Variants in LRCH3 observed in about 807,000 individuals in gnomAD.
LRCH3 encodes DISP complex protein LRCH3.
A neutral mutation model predicts 104.5 loss-of-function variants in LRCH3; 68 were observed. The ratio of observed to expected loss-of-function variants is 0.65; its 90% CI spans 0.54 to 0.80. The LOEUF (loss-of-function observed/expected upper bound fraction) is 0.80. LRCH3 is among the 30% of genes least tolerant of loss of function. The pLI is 0.00. For synonymous variants in LRCH3, 344 were observed against 361.3 expected (o/e 0.95, Z 0.54); for missense variants, 951 against 953.9 (o/e 1.00, Z 0.04).
chr3:197,810,583 C>G lies in LRCH3; in HGVS notation c.263-4325C>G, dbSNP rs1733011803. On this transcript the variant is annotated intron_variant, in intron 1 of 20. Coordinates refer to ENST00000425562, the MANE Select transcript of LRCH3 (RefSeq NM_001365715.1). The surrounding 1 kb of genome is among the most constrained non-coding windows in gnomAD (Gnocchi z 4.0). ...TAGCCATCTTCTCTCAACCTTTTAT[C>G]TGTTTTATGTATATTATCTCGGGTT... Among the ~76,000 whole-genome samples the G allele has an allele frequency of 6.6e-6, 1 of 152,092 alleles. No homozygotes were observed. Among genetic ancestry groups the G allele is most frequent in the Non-Finnish European group, 1.5e-5 (1 of 68,004 alleles).
In LRCH3 at chr3:197,880,412, A is replaced by AT. The variant is rs1250629818; in HGVS notation, c.2209-3128dup. 6 of 924,836 alleles carry AT rather than the reference A, an allele frequency of 6.5e-6. No individual in the cohort carries two copies. The Admixed American group carries it at 8.3e-5, about 13-fold the overall frequency. The allele number at this position is 924,836 out of a possible 1,614,324, so 57.3% of individuals were successfully genotyped here. On this transcript the variant is annotated intron_variant, in intron 20 of 20. Transcript: ENST00000425562. The stretch of plus-strand genomic sequence containing the variant: ...AATGTTACAGGATGTGTATATGTGA[A>AT]TATGACTGAGATGATCATATGAATT...
chr3:197,873,084 G>A (rs991851261), intron 19 of LRCH3, among the ~76,000 whole-genome samples: 2 of 152,258 alleles, frequency 1.3e-5, no homozygotes, highest in Middle Eastern at 3.4e-3. Flanking sequence ...TGCTGGTCAG[G>A]TCTGGGCATC....
chr3:197,825,338 G>A (rs1382844802), intron 4 of LRCH3, among the ~76,000 whole-genome samples: 3 of 138,178 alleles, frequency 2.2e-5, no homozygotes, highest in East Asian at 4.2e-4. Context: ...CATATCTTCC[G>A]TTTTGGGAAA....
At chr3:197,880,025 A>C (rs546784599) in intron 20 of LRCH3, among the ~76,000 whole-genome samples, 2 of 149,642 alleles carry the variant, frequency 1.3e-5, no homozygotes, top group South Asian at 2.1e-4. Context: ...GGCTCACTGC[A>C]AGCTCCGCCT....
intron 10 of LRCH3, among the ~76,000 whole-genome samples, chr3:197,845,014 G>C (rs899612454): frequency 1.3e-5 from 2 of 152,160 alleles, no homozygotes; most frequent in Non-Finnish European, 2.9e-5. Context: ...GTGAAAGAAA[G>C]TTTTAGTGAA....
chr3:197,830,856 G>A lies in LRCH3; in HGVS notation c.974G>A (p.Gly325Glu), dbSNP rs1735835635. 5 of 1,612,868 alleles carry A rather than the reference G, an allele frequency of 3.1e-6. No homozygotes were observed. The highest frequency in any genetic ancestry group is 4.2e-6 in the Non-Finnish European group (5 of 1,178,930). Residue 325 changes from glycine to glutamate, a missense_variant, in exon 7 of 21, where the codon GGG becomes GAG. By Grantham distance (98) the Gly-to-Glu change is moderately conservative (BLOSUM62 -2). Transcript: ENST00000425562. ...GACAGTGGTGATAAGAGATGGTCAGGGAATGAAGTAAGTGTTTTTTATGTT... is the reference window on the plus strand; with the variant it reads ...GACAGTGGTGATAAGAGATGGTCAGAGAATGAAGTAAGTGTTTTTTATGTT... ...SVDSGDKRWS[G>E]NEPTDEFSDL...
At chr3:197,880,088 G>A (rs565213790) in intron 20 of LRCH3, among the ~76,000 whole-genome samples, 15 of 151,334 alleles carry the variant, frequency 9.9e-5, no homozygotes, top group Middle Eastern at 3.4e-3. Flanking sequence ...TGGGACTACA[G>A]GCGCCCGCCA....
chr3:197,845,272 A>G (rs566526687), intron 10 of LRCH3, among the ~76,000 whole-genome samples: 59 of 151,878 alleles, frequency 3.9e-4, no homozygotes, highest in Admixed American at 9.2e-4. Context: ...TTAGCCAGGC[A>G]TGGTGGTGCA....
chr3:197,793,759 C>T (rs2109083548), intron 1 of LRCH3, among the ~76,000 whole-genome samples: 2 of 152,184 alleles, frequency 1.3e-5, no homozygotes, highest in Admixed American at 1.3e-4. Flanking sequence ...GTTGATTTTT[C>T]ATCTGGTCAA....
At chr3:197,808,318 C>G (rs1271383866) in intron 1 of LRCH3, among the ~76,000 whole-genome samples, 1 of 152,206 alleles carries the variant, frequency 6.6e-6, no homozygotes, top group African/African-American at 2.4e-5. Context: ...GACTTCTAGC[C>G]TCCAGAATTT....
At chr3:197,880,533 G>GA (rs1713662156) in intron 20 of LRCH3, 1 of 1,536,072 alleles carries the variant, frequency 6.5e-7, no homozygotes, top group Admixed American at 2.0e-5. Context: ...TTCCCCTTCC[G>GA]ACATCCTTCA....
chr3:197,883,761 G>T lies in LRCH3; in HGVS notation c.*95G>T. The T allele has an allele frequency of 7.3e-7, 1 of 1,365,250 alleles. No individual in the cohort carries two copies. Among genetic ancestry groups the T allele is most frequent in the Middle Eastern group, 2.3e-4 (1 of 4,346 alleles). 84.6% of individuals were successfully genotyped at this position (1,365,250 alleles called of 1,614,324 possible). A position where few individuals can be genotyped will look rare whatever the true frequency, so the allele number is the denominator to read the frequency against. ...CTGTCTGCTTAAACAAAGCTCTTGT[G>T]TGTTCTCAGAAGGGACCGTTCCCAT... On this transcript the variant is annotated 3_prime_UTR_variant, in exon 21 of 21. Coordinates refer to ENST00000425562, the MANE Select transcript of LRCH3 (RefSeq NM_001365715.1). This position sits in a 1 kb window ranked among gnomAD's most constrained non-coding sequence, Gnocchi z 4.2.
At chr3:197,845,549 C>T (rs1738547680) in intron 10 of LRCH3, among the ~76,000 whole-genome samples, 1 of 151,878 alleles carries the variant, frequency 6.6e-6, no homozygotes, top group African/African-American at 2.4e-5. Context: ...GTCATTCATT[C>T]AAGCAATATT....
chr3:197,870,237 CAGAG>C lies in LRCH3; in HGVS notation c.1955_1958del (p.Arg652LysfsTer6), dbSNP rs1372136910. On this transcript the variant is annotated frameshift_variant, in exon 18 of 21. Coordinates refer to ENST00000425562, the MANE Select transcript of LRCH3 (RefSeq NM_001365715.1). LOFTEE classifies it high-confidence loss of function. ...TTCCATAACAGGACAGAATTCAAGA[CAGAG>C]AGAAGAAGAGCTGGAATTAATAGAC... 15 of 1,613,262 alleles carry C rather than the reference CAGAG, an allele frequency of 9.3e-6. No individual in the cohort carries two copies. The highest frequency in any genetic ancestry group is 1.3e-5 in the Non-Finnish European group (15 of 1,179,332).
intron 12 of LRCH3, chr3:197,850,972 A>G: frequency 1.3e-6 from 1 of 782,238 alleles, no homozygotes; most frequent in South Asian, 1.3e-5. Context: ...AGATTACCTC[A>G]GGCTGCTTAG....
Position 197,870,196 on chromosome 3 carries a change from C to T in LRCH3, c.1910C>T (p.Thr637Ile). Residue 637 changes from threonine to isoleucine, a missense_variant, in exon 18 of 21, where the codon ACC becomes ATC. Physicochemically the swap from Thr to Ile is moderately conservative, Grantham distance 89 (BLOSUM62 -1). Coordinates refer to ENST00000425562, the MANE Select transcript of LRCH3 (RefSeq NM_001365715.1). The stretch of plus-strand genomic sequence containing the variant: ...CCCCTTCCTCCATCTGCTGCACCTA[C>T]CACTGATTCTACAGATTCCATAACA... ...ASPLPPSAAP[T>I]TDSTDSITGQ... is the part of the protein sequence containing the mutation. The T allele has an allele frequency of 1.2e-6, 2 of 1,612,870 alleles. No individual in the cohort carries two copies. Among genetic ancestry groups the T allele is most frequent in the Non-Finnish European group, 1.7e-6 (2 of 1,178,916 alleles).
At chr3:197,850,469 C>A in intron 12 of LRCH3, 1 of 1,590,326 alleles carries the variant, frequency 6.3e-7, no homozygotes, top group Non-Finnish European at 8.5e-7. Flanking sequence ...GGGCAACCTC[C>A]TCTTCTGGTT....
At chr3:197,879,391 A>G (rs370373828) in intron 20 of LRCH3, among the ~76,000 whole-genome samples, 26 of 152,250 alleles carry the variant, frequency 1.7e-4, no homozygotes, top group East Asian at 7.7e-4. Flanking sequence ...TCACGCCTGT[A>G]ATCCCAGCAC....
At chr3:197,849,124 C>T (rs941269956) in intron 12 of LRCH3, among the ~76,000 whole-genome samples, 2 of 151,876 alleles carry the variant, frequency 1.3e-5, no homozygotes, top group African/African-American at 2.4e-5. Flanking sequence ...ATTAGCTGGG[C>T]GTGGTGGTGC....
Sources: gnomAD v4.1 joint callset for allele counts (sites outside exome capture counted in the v4.1 genomes callset) on GRCh38, gnomAD v4.1.1 for gene constraint, Gnocchi (gnomAD v3.1) non-coding constraint, MANE v1.5 for transcripts, NCBI Gene and HGNC (gene_info 2026-07-23, HGNC 2026-07-21) for gene names.